The following EDIL3 variants were observed in gnomAD, a reference collection of about 807,000 sequenced individuals.
EDIL3 encodes the protein EGF-like repeat and discoidin I-like domain-containing protein 3.
Under a neutral mutation model 67.4 loss-of-function variants are expected in EDIL3, and 37 were observed. That is an observed-to-expected ratio of 0.55 (90% confidence interval 0.42 to 0.72). The LOEUF is 0.72. EDIL3 is among the 30% of genes least tolerant of loss of function. The pLI is 0.00. For missense variants in EDIL3, 527 were observed against 586.3 expected, an observed-to-expected ratio of 0.90 and a Z score of 1.04; for synonymous variants, 195 against 196.3, an observed-to-expected ratio of 0.99 and a Z score of 0.05.
intron 8 of EDIL3, among the ~76,000 whole-genome samples, chr5:84,061,789 A>G (rs566193110): frequency 8.5e-5 from 13 of 152,158 alleles, no homozygotes; most frequent in East Asian, 1.9e-4. Context: ...ACTCATCCCA[A>G]CAGATGGCAA....
chr5:83,983,122 T>C (rs1222677806), intron 9 of EDIL3, among the ~76,000 whole-genome samples: 2 of 152,182 alleles, frequency 1.3e-5, no homozygotes, highest in South Asian at 2.1e-4. Context: ...GTATGGGTTT[T>C]AGTCAGGTTC....
intron 9 of EDIL3, among the ~76,000 whole-genome samples, chr5:83,990,885 A>G (rs956317636): frequency 3.3e-5 from 2 of 59,824 alleles, no homozygotes; most frequent in Non-Finnish European, 7.1e-5. Context: ...GTCTCAATAA[A>G]TAAATAAATA....
In EDIL3 at chr5:84,185,250, C is replaced by T. The variant is rs183513587; in HGVS notation, c.227-4729G>A. On this transcript the variant is annotated intron_variant, in intron 3 of 10. Transcript: ENST00000296591. ...TCATGTTAGTCTTCACAGATGTAAACGGAATCAGCATGAATTCACTAAGCA... is the reference window on the plus strand; with the variant it reads ...TCATGTTAGTCTTCACAGATGTAAATGGAATCAGCATGAATTCACTAAGCA... 1.7e-3 allele frequency among the ~76,000 whole-genome samples: 265 copies of T among 152,120 alleles called. 3 individuals are homozygous for T. The Middle Eastern group carries it at 0.02, about 12-fold the overall frequency.
At chr5:84,237,533 C>G (rs916585847) in intron 2 of EDIL3, among the ~76,000 whole-genome samples, 5 of 152,076 alleles carry the variant, frequency 3.3e-5, no homozygotes, top group Non-Finnish European at 7.4e-5. Flanking sequence ...ATTTGTTTCA[C>G]TAAGTCTTTA....
At chr5:84,168,213 A>G (rs1222537258) in intron 4 of EDIL3, among the ~76,000 whole-genome samples, 1 of 152,100 alleles carries the variant, frequency 6.6e-6, no homozygotes, top group Non-Finnish European at 1.5e-5. Context: ...ATGATGTTCT[A>G]TTTTTTAAAA....
chr5:83,994,948 C>G (rs1745211733), intron 9 of EDIL3, among the ~76,000 whole-genome samples: 1 of 151,992 alleles, frequency 6.6e-6, no homozygotes, highest in African/African-American at 2.4e-5. Flanking sequence ...GAAAAATGCT[C>G]TTTTCCATTG....
chr5:84,017,255 G>A (rs1001256982), intron 9 of EDIL3, among the ~76,000 whole-genome samples: 3 of 152,094 alleles, frequency 2.0e-5, no homozygotes, highest in African/African-American at 4.8e-5. Flanking sequence ...TATTCTATCC[G>A]GCAATGTGCC....
intron 2 of EDIL3, among the ~76,000 whole-genome samples, chr5:84,245,445 CA>C (rs1482814484): frequency 1.3e-5 from 2 of 152,132 alleles, no homozygotes; most frequent in African/African-American, 4.8e-5. Context: ...AACACCTTGT[CA>C]TAACTGCTTA....
intron 1 of EDIL3, among the ~76,000 whole-genome samples, chr5:84,331,583 C>A (rs1746872344): frequency 6.6e-6 from 1 of 152,110 alleles, no homozygotes; most frequent in African/African-American, 2.4e-5. Context: ...TGTAATTTTC[C>A]TGAGGCCTCC....
At chr5:83,995,400 TA>T (rs1212709247) in intron 9 of EDIL3, among the ~76,000 whole-genome samples, 2 of 152,140 alleles carry the variant, frequency 1.3e-5, no homozygotes, top group African/African-American at 2.4e-5. Flanking sequence ...CCCCACATGG[TA>T]CTGGGCATTC....
chr5:84,220,422 T>G (rs565369682), intron 3 of EDIL3, among the ~76,000 whole-genome samples: 11 of 152,204 alleles, frequency 7.2e-5, no homozygotes, highest in Non-Finnish European at 1.3e-4. Flanking sequence ...ATATAAATTT[T>G]AGTATTATTG....
chr5:84,286,358 GAGC>G (rs1211403509), intron 1 of EDIL3, among the ~76,000 whole-genome samples: 1 of 152,074 alleles, frequency 6.6e-6, no homozygotes, highest in Non-Finnish European at 1.5e-5. Flanking sequence ...CCACGTGAAA[GAGC>G]AGAAGATTTA....
Position 84,287,301 on chromosome 5 carries a change from T to A in EDIL3, c.68-33089A>T, listed in dbSNP as rs575373145. 2.6e-5 allele frequency among the ~76,000 whole-genome samples: 4 copies of A among 152,272 alleles called. No individual in the cohort carries two copies. In the East Asian group the frequency reaches 7.7e-4, roughly 29 times the overall value. ...TTTGGATGTAATAAGAAATGTGAAA[T>A]TATTATTATTAAGAAAGTAAGATGT... On this transcript the variant is annotated intron_variant, in intron 1 of 10. Transcript: ENST00000296591.
rs776411552 is a variant in EDIL3, at chr5:84,098,491, GT to G, written c.651+8157del. ...GATTTAATCTTACAAAATTGATAAA[GT>G]TTTTTCTTCTAAAAAATAACTTAGA... On this transcript the variant is annotated intron_variant, in intron 6 of 10. Transcript: ENST00000296591. 2.6e-5 allele frequency among the ~76,000 whole-genome samples: 4 copies of G among 152,032 alleles called. No individual in the cohort carries two copies. In the East Asian group the frequency reaches 7.7e-4, roughly 29 times the overall value.
intron 1 of EDIL3, among the ~76,000 whole-genome samples, chr5:84,374,589 G>A (rs950250514): frequency 6.6e-6 from 1 of 152,138 alleles, no homozygotes; most frequent in Non-Finnish European, 1.5e-5. Context: ...ACGAGGATGA[G>A]CTCATGTTAG....
At position 84,384,247 on chromosome 5, in the gene EDIL3, G is replaced by C; in HGVS notation, c.67+61C>G. 1.9e-6 allele frequency: 3 copies of C among 1,559,014 alleles called. No individual in the cohort carries two copies. The South Asian group carries it at 3.5e-5, about 18-fold the overall frequency. On this transcript the variant is annotated intron_variant, in intron 1 of 10. Coordinates refer to ENST00000296591, the MANE Select transcript of EDIL3 (RefSeq NM_005711.5). ...GGGACCGCCTCCGGCCCCCTGCGCGGCGTTTCTCAGGGGACTCCCAGCCCA... is the reference window on the plus strand; with the variant it reads ...GGGACCGCCTCCGGCCCCCTGCGCGCCGTTTCTCAGGGGACTCCCAGCCCA...
At chr5:84,294,332 C>T (rs1745995750) in intron 1 of EDIL3, among the ~76,000 whole-genome samples, 1 of 138,034 alleles carries the variant, frequency 7.2e-6, no homozygotes, top group African/African-American at 2.8e-5. Flanking sequence ...TTTCAGTGAG[C>T]TGAGATCATT....
chr5:84,223,890 A>T (rs570176237), intron 3 of EDIL3, among the ~76,000 whole-genome samples: 155 of 151,592 alleles, frequency 1.0e-3, no homozygotes, highest in African/African-American at 3.5e-3. Flanking sequence ...TTAAATTTAT[A>T]CAAAAAAGAA....
intron 2 of EDIL3, among the ~76,000 whole-genome samples, chr5:84,235,502 T>C (rs1354388831): frequency 6.6e-6 from 1 of 152,138 alleles, no homozygotes; most frequent in African/African-American, 2.4e-5. Flanking sequence ...GTAGTTAGCA[T>C]GTAAACATAT....
Sources: gnomAD v4.1 joint callset for allele counts (sites outside exome capture counted in the v4.1 genomes callset) on GRCh38, gnomAD v4.1.1 for gene constraint, MANE v1.5 for transcripts, NCBI Gene and HGNC (gene_info 2026-07-23, HGNC 2026-07-21) for gene names.